The following NFIA variants were observed in gnomAD, a reference collection of about 807,000 sequenced individuals.
NFIA encodes the protein nuclear factor 1 A-type.
Under a neutral mutation model 62.8 loss-of-function variants are expected in NFIA, and 8 were observed. That is an observed-to-expected ratio of 0.13 (90% CI 0.07 to 0.23). The LOEUF is 0.23. Ranked by LOEUF, NFIA falls within the 10% of genes least tolerant of loss-of-function variation. The pLI is 1.00. For missense variants in NFIA, 410 were observed against 642.1 expected, an observed-to-expected ratio of 0.64 and a Z score of 3.91; for synonymous variants, 235 against 238.1, an observed-to-expected ratio of 0.99 and a Z score of 0.12.
chr1:61,320,106 ACTT>A (rs1452154736), intron 3 of NFIA, among the ~76,000 whole-genome samples: 2 of 147,644 alleles, frequency 1.4e-5, no homozygotes, highest in African/African-American at 2.5e-5. Flanking sequence ...CTCCCATTCT[ACTT>A]CTTTTTTTTT....
intron 2 of NFIA, among the ~76,000 whole-genome samples, chr1:61,095,856 T>C (rs903222493): frequency 7.2e-5 from 11 of 152,300 alleles, no homozygotes; most frequent in African/African-American, 2.6e-4. Context: ...AAATTGCATG[T>C]AATTTTTACT....
intron 3 of NFIA, among the ~76,000 whole-genome samples, chr1:61,319,874 G>A (rs17121952): frequency 0.064 from 9,565 of 149,694 alleles, 315 homozygotes; most frequent in South Asian, 0.12. Flanking sequence ...CCAGGACCAG[G>A]AAACAATTTC....
rs79683336 is a variant in NFIA, at chr1:61,382,621, A to C, written c.947-616A>C. 8.7e-3 allele frequency among the ~76,000 whole-genome samples: 1,328 copies of C among 152,314 alleles called. 25 individuals carry two copies. Among genetic ancestry groups the C allele is most frequent in the East Asian group, 0.043 (225 of 5,184 alleles). On this transcript the variant is annotated intron_variant, in intron 6 of 10. Transcript: ENST00000403491. ...AACATTATATTATAAATGTTTTGCC[A>C]CATCATTACTCTTTTACAGTATTGC...
intron 2 of NFIA, among the ~76,000 whole-genome samples, chr1:61,143,566 T>A (rs943378623): frequency 2.2e-4 from 34 of 152,096 alleles, no homozygotes; most frequent in African/African-American, 8.2e-4. Flanking sequence ...ATTTTTGTAT[T>A]TTTTTGTACA....
chr1:61,115,870 C>T (rs1646785194), intron 2 of NFIA, among the ~76,000 whole-genome samples: 2 of 152,162 alleles, frequency 1.3e-5, no homozygotes, highest in African/African-American at 4.8e-5. Context: ...CCTCACGTTC[C>T]CTCGATAAAT....
intron 3 of NFIA, among the ~76,000 whole-genome samples, chr1:61,306,490 A>G (rs960994729): frequency 9.9e-5 from 15 of 151,402 alleles, no homozygotes; most frequent in African/African-American, 3.6e-4. Flanking sequence ...TGGCCAGGCT[A>G]GTCTCGAACT....
intron 2 of NFIA, among the ~76,000 whole-genome samples, chr1:61,094,122 G>C (rs1320625044): frequency 6.6e-6 from 1 of 152,196 alleles, no homozygotes; most frequent in Non-Finnish European, 1.5e-5. Flanking sequence ...TTCAGTGAAT[G>C]TGCTAAACAC....
chr1:61,161,531 C>T (rs1409801811), intron 2 of NFIA, among the ~76,000 whole-genome samples: 3 of 151,990 alleles, frequency 2.0e-5, no homozygotes, highest in South Asian at 4.2e-4. Context: ...TCCAAGAGGT[C>T]GAGATGGATA....
At chr1:61,081,791 T>G, upstream of NFIA, 2 of 1,362,494 alleles carry the variant, frequency 1.5e-6, no homozygotes, top group Non-Finnish European at 2.0e-6. Context: ...CTGCACAAAG[T>G]TTGCAGGATT....
chr1:61,380,550 G>A (rs1451972665), intron 6 of NFIA, among the ~76,000 whole-genome samples: 3 of 152,136 alleles, frequency 2.0e-5, no homozygotes, highest in Non-Finnish European at 4.4e-5. Flanking sequence ...GCTTTTAACA[G>A]AAAGCAGTTT....
At chr1:61,202,201 A>T (rs1330358082) in intron 2 of NFIA, among the ~76,000 whole-genome samples, 1 of 152,158 alleles carries the variant, frequency 6.6e-6, no homozygotes, top group African/African-American at 2.4e-5. Flanking sequence ...CTATAGTGTA[A>T]TTATGGTCAT....
At chr1:61,404,392 G>A (rs1665719436) in intron 8 of NFIA, 110 bp downstream of exon 8, 2 of 1,095,804 alleles carry the variant, frequency 1.8e-6, no homozygotes, top group African/African-American at 3.2e-5. Context: ...TGTGCTGACT[G>A]ACTGCAGGCA....
In NFIA at chr1:61,350,859, G is replaced by A. The variant is rs116521852; in HGVS notation, c.701-1591G>A. 4.8e-3 allele frequency among the ~76,000 whole-genome samples: 729 copies of A among 152,216 alleles called. 5 individuals are homozygous for A. Among genetic ancestry groups the A allele is most frequent in the Middle Eastern group, 0.01 (3 of 294 alleles). Reference sequence around the variant, plus strand: ...TTTTAACATTGTTTCCAGGCTTCACGTTTTCTGAGGCCATTCCCTTGAACT... The same window carrying A: ...TTTTAACATTGTTTCCAGGCTTCACATTTTCTGAGGCCATTCCCTTGAACT... On this transcript the variant is annotated intron_variant, in intron 4 of 10. Coordinates refer to ENST00000403491, the MANE Select transcript of NFIA (RefSeq NM_001134673.4).
In NFIA at chr1:61,406,543, G is replaced by GTCCCCCC; in HGVS notation, c.1255-19_1255-18insTCCCCCC. 1 of 876,652 alleles carries GTCCCCCC rather than the reference G, an allele frequency of 1.1e-6. No homozygotes were observed. The allele number at this position is 876,652 out of a possible 1,614,324, so 54.3% of individuals were successfully genotyped here. On this transcript the variant is annotated intron_variant, in intron 8 of 10. Coordinates refer to ENST00000403491, the MANE Select transcript of NFIA (RefSeq NM_001134673.4). ...TCTTTTTCTTGTACGTGTGTTTTCT[G>GTCCCCCC]CCCCCCCCCCCCCCACAGCCCAATG...
chr1:61,155,548 C>A (rs896352274), intron 2 of NFIA, among the ~76,000 whole-genome samples: 6 of 151,796 alleles, frequency 4.0e-5, no homozygotes, highest in African/African-American at 1.5e-4. Context: ...TGGTGGGTGC[C>A]TGTAGTCCCA....
intron 4 of NFIA, among the ~76,000 whole-genome samples, chr1:61,335,032 G>A (rs1661526714): frequency 6.6e-6 from 1 of 152,168 alleles, no homozygotes; most frequent in Non-Finnish European, 1.5e-5. Context: ...GTTTGCAGAG[G>A]GACCTGGACT....
chr1:61,431,581 G>A (rs1263534295), intron 10 of NFIA, among the ~76,000 whole-genome samples: 1 of 152,248 alleles, frequency 6.6e-6, no homozygotes, highest in South Asian at 2.1e-4. Flanking sequence ...AGGCACAGGT[G>A]CTATAACCTT....
At chr1:61,249,227 G>A (rs1655851560) in intron 2 of NFIA, 1 of 151,948 alleles carries the variant, frequency 6.6e-6, no homozygotes. Flanking sequence ...TGAAAAAATG[G>A]CCACAAGAAT....
intron 2 of NFIA, among the ~76,000 whole-genome samples, chr1:61,095,379 G>C (rs1345453070): frequency 3.3e-5 from 5 of 152,212 alleles, no homozygotes; most frequent in Admixed American, 1.3e-4. Flanking sequence ...AGACTCTTCA[G>C]AGTGGCCAGG....
Sources: gnomAD v4.1 joint callset for allele counts (sites outside exome capture counted in the v4.1 genomes callset) on GRCh38, gnomAD v4.1.1 for gene constraint, MANE v1.5 for transcripts, NCBI Gene and HGNC (gene_info 2026-07-23, HGNC 2026-07-21) for gene names.